Variants in FAM98B observed in about 807,000 individuals in gnomAD.
FAM98B encodes the protein tRNA-splicing ligase complex subunit FAM98B.
A neutral mutation model predicts 43.9 loss-of-function variants in FAM98B; 32 were observed. The observed-to-expected ratio is 0.73, with a 90% confidence interval of 0.55 to 0.98. The LOEUF is 0.98. FAM98B is among the 50% of genes least tolerant of loss of function. The pLI is 0.00. For missense variants in FAM98B, 514 were observed against 522.9 expected, an observed-to-expected ratio of 0.98 and a Z score of 0.17; for synonymous variants, 190 against 174.0, an observed-to-expected ratio of 1.09 and a Z score of -0.72.
chr15:38,473,752 A>G (rs923373933), intron 5 of FAM98B, among the ~76,000 whole-genome samples, 167 bp downstream of exon 5: 1 of 152,164 alleles, frequency 6.6e-6, no homozygotes, highest in Non-Finnish European at 1.5e-5. Flanking sequence ...CTTTAGTTAA[A>G]TTATTAATTT....
Position 38,459,730 on chromosome 15 carries a change from G to A in FAM98B, c.72-4302G>A, listed in dbSNP as rs906118700. 7.9e-5 allele frequency among the ~76,000 whole-genome samples: 12 copies of A among 152,208 alleles called. No homozygotes were observed. The East Asian group carries it at 2.3e-3, about 29-fold the overall frequency. On this transcript the variant is annotated intron_variant, in intron 1 of 7. Coordinates refer to ENST00000397609, the MANE Select transcript of FAM98B (RefSeq NM_173611.4). ...TGGCCTGTACCAAGGGTGGGCGCCC[G>A]GAGATGGGCTCCCTTGGGTACCCTG...
intron 1 of FAM98B, among the ~76,000 whole-genome samples, chr15:38,460,772 G>A (rs1183752047): frequency 6.6e-6 from 1 of 152,202 alleles, no homozygotes; most frequent in African/African-American, 2.4e-5. Flanking sequence ...TTCCGGGACA[G>A]TTGTTAGCTA....
intron 3 of FAM98B, among the ~76,000 whole-genome samples, chr15:38,469,379 A>G (rs1280037692): frequency 6.6e-6 from 1 of 152,204 alleles, no homozygotes; most frequent in Admixed American, 6.5e-5. Flanking sequence ...AAATTGCTCT[A>G]TGTGCTTATA....
chr15:38,463,225 G>T (rs1043963621), intron 1 of FAM98B, among the ~76,000 whole-genome samples: 1 of 152,092 alleles, frequency 6.6e-6, no homozygotes, highest in Non-Finnish European at 1.5e-5. Context: ...GGCCAGGCAC[G>T]GTGGCTCACA....
At chr15:38,469,868 G>C (rs556156585) in intron 3 of FAM98B, among the ~76,000 whole-genome samples, 1 of 151,996 alleles carries the variant, frequency 6.6e-6, no homozygotes, top group South Asian at 2.1e-4. Context: ...TGTTTTCTGG[G>C]GGCCTGTATC....
intron 6 of FAM98B, among the ~76,000 whole-genome samples, chr15:38,475,796 C>A (rs908778409): frequency 5.9e-5 from 9 of 152,180 alleles, no homozygotes; most frequent in African/African-American, 2.2e-4. Context: ...GAGGGCTAGT[C>A]AACTTACAAA....
chr15:38,454,563 G>A (rs927292420), intron 1 of FAM98B, among the ~76,000 whole-genome samples: 2 of 152,224 alleles, frequency 1.3e-5, no homozygotes, highest in African/African-American at 2.4e-5. Context: ...TGATATTTGT[G>A]TTGACGTAGT....
chr15:38,477,599 A>G (rs914188974), intron 6 of FAM98B, among the ~76,000 whole-genome samples: 5 of 152,190 alleles, frequency 3.3e-5, no homozygotes, highest in African/African-American at 1.2e-4. Context: ...GGGATTGAAG[A>G]CCATCATTCA....
intron 3 of FAM98B, among the ~76,000 whole-genome samples, chr15:38,468,416 TG>T (rs1432989865): frequency 6.6e-6 from 1 of 152,042 alleles, no homozygotes; most frequent in East Asian, 1.9e-4. Flanking sequence ...TTTGTAAAGA[TG>T]GGTCTGTGTT....
At position 38,474,219 on chromosome 15, in the gene FAM98B, AAT is replaced by A; in HGVS notation, c.653_654del (p.Tyr218Ter). Reference sequence around the variant, plus strand: ...AGAATCAATGATGCTCTTTCCTGTGAATATGAGTGCCGCCGACGAATGTTAAT... The same window carrying A: ...AGAATCAATGATGCTCTTTCCTGTGAATGAGTGCCGCCGACGAATGTTAAT... On this transcript the variant is annotated frameshift_variant, in exon 6 of 8. Transcript: ENST00000397609. LOFTEE classifies it high-confidence loss of function. 1 of 1,613,872 alleles carries A rather than the reference AAT, an allele frequency of 6.2e-7. No homozygotes were observed. Among genetic ancestry groups the A allele is most frequent in the Non-Finnish European group, 8.5e-7 (1 of 1,179,814 alleles).
In FAM98B at chr15:38,486,197, A is replaced by T. The variant is rs1263146801; in HGVS notation, c.*1538A>T. ...TGTGTTCAAGGTAGGAAAATATAAA[A>T]TTTTTTGGTTATTTGTAAATTTATT... is the stretch of plus-strand genomic sequence containing the variant. On this transcript the variant is annotated 3_prime_UTR_variant, in exon 8 of 8. Transcript: ENST00000397609. The T allele has an allele frequency of 6.6e-6, 1 of 152,136 alleles. No homozygotes were observed. Among genetic ancestry groups the T allele is most frequent in the Non-Finnish European group, 1.5e-5 (1 of 67,994 alleles). 9.4% of individuals were successfully genotyped at this position (152,136 alleles called of 1,614,324 possible).
intron 1 of FAM98B, among the ~76,000 whole-genome samples, chr15:38,454,483 C>A (rs931618227): frequency 6.6e-6 from 1 of 152,240 alleles, no homozygotes; most frequent in Non-Finnish European, 1.5e-5. Context: ...AACTCTGTTG[C>A]AGGAATCCGC....
rs749588126 is a variant in FAM98B, at chr15:38,484,238, A to G, written c.898-17A>G. ...TTTGAAATATTAGGAACTAAAAGAA[A>G]ATGTTTCTTCACACAGGTGCTGATG... On this transcript the variant is annotated splice_polypyrimidine_tract_variant and intron_variant, in intron 7 of 7. Transcript: ENST00000397609. 1.9e-6 allele frequency: 3 copies of G among 1,544,960 alleles called. No individual in the cohort carries two copies. The East Asian group carries it at 7.4e-5, about 38-fold the overall frequency.
chr15:38,454,318 G>A, intron 1 of FAM98B, 86 bp downstream of exon 1: 2 of 1,420,528 alleles, frequency 1.4e-6, no homozygotes, highest in Non-Finnish European at 1.9e-6. Flanking sequence ...GGGCCTCTGT[G>A]GGCCTGGGCG....
At position 38,486,644 on chromosome 15, in the gene FAM98B, A is replaced by G. The variant is rs1363404840; in HGVS notation, c.*1985A>G. 6.6e-6 allele frequency: 1 copy of G among 152,154 alleles called. No homozygotes were observed. Among genetic ancestry groups the G allele is most frequent in the African/African-American group, 2.4e-5 (1 of 41,454 alleles). 9.4% of individuals were successfully genotyped at this position (152,154 alleles called of 1,614,324 possible). Reference sequence around the variant, plus strand: ...TCAAAGTTTAGCACTTGCTCCTGGAATCGTGTTGGAGCTGAAACCACTCCT... The same window carrying G: ...TCAAAGTTTAGCACTTGCTCCTGGAGTCGTGTTGGAGCTGAAACCACTCCT... On this transcript the variant is annotated 3_prime_UTR_variant, in exon 8 of 8. Coordinates refer to ENST00000397609, the MANE Select transcript of FAM98B (RefSeq NM_173611.4).
At chr15:38,461,684 G>A (rs761636991) in intron 1 of FAM98B, among the ~76,000 whole-genome samples, 1 of 152,038 alleles carries the variant, frequency 6.6e-6, no homozygotes, top group Non-Finnish European at 1.5e-5. Context: ...TATAACCAGA[G>A]AATTCAAAGA....
rs140494398 is a variant in FAM98B at position 38,466,699 on chromosome 15, G to A, written c.352+1296G>A. 6.9e-3 allele frequency among the ~76,000 whole-genome samples: 1,055 copies of A among 152,246 alleles called. 16 individuals are homozygous for A. Among genetic ancestry groups the A allele is most frequent in the African/African-American group, 0.023 (970 of 41,546 alleles). On this transcript the variant is annotated intron_variant, in intron 3 of 7. Coordinates refer to ENST00000397609, the MANE Select transcript of FAM98B (RefSeq NM_173611.4). ...AAAAGTTCTGAAGATGGATGGTGAC[G>A]TCATAGAACTGTATACTTAAAAATG...
chr15:38,466,996 C>G (rs141049571), intron 3 of FAM98B, among the ~76,000 whole-genome samples: 1 of 151,668 alleles, frequency 6.6e-6, no homozygotes, highest in African/African-American at 2.4e-5. Context: ...TTTTGAAAAA[C>G]TAAATTGGCT....
intron 6 of FAM98B, among the ~76,000 whole-genome samples, chr15:38,480,328 T>A (rs141717109): frequency 6.6e-6 from 1 of 152,320 alleles, no homozygotes; most frequent in African/African-American, 2.4e-5. Flanking sequence ...TTTCCTTTTC[T>A]CGTTGATCTG....
Sources: gnomAD v4.1 joint callset for allele counts (sites outside exome capture counted in the v4.1 genomes callset) on GRCh38, gnomAD v4.1.1 for gene constraint, MANE v1.5 for transcripts, NCBI Gene and HGNC (gene_info 2026-07-23, HGNC 2026-07-21) for gene names.